The following SHISA9 variants were observed in gnomAD, a reference collection of about 807,000 sequenced individuals.
SHISA9 encodes the protein protein shisa-9.
In SHISA9, 13 loss-of-function variants were observed where a neutral mutation model predicts 38.0. The observed-to-expected ratio is 0.34, with a 90% CI of 0.22 to 0.54. SHISA9 has a LOEUF of 0.54. Ranked by LOEUF, SHISA9 falls within the 20% of genes least tolerant of loss-of-function variation. The pLI, the probability that SHISA9 is intolerant of heterozygous loss-of-function variation, is 0.91. For missense variants in SHISA9, 538 were observed against 575.8 expected (o/e 0.93, Z 0.67); for synonymous variants, 275 against 242.0 (o/e 1.14, Z -1.27).
chr16:13,383,560 T>C, the SHISA9 span, among the ~76,000 whole-genome samples: 3 of 152,174 alleles, frequency 2.0e-5, no homozygotes, highest in Non-Finnish European at 2.9e-5. Flanking sequence ...CCTTTGAATA[T>C]TGGACCTGGA....
chr16:13,483,640 C>T, the SHISA9 span, among the ~76,000 whole-genome samples: 19 of 152,090 alleles, frequency 1.2e-4, no homozygotes, highest in South Asian at 2.1e-4. Flanking sequence ...AATCCTTCCC[C>T]GGTCTTTCTG....
At chr16:12,962,853 G>C (rs892888356) in intron 2 of SHISA9, among the ~76,000 whole-genome samples, 2 of 152,170 alleles carry the variant, frequency 1.3e-5, no homozygotes, top group African/African-American at 2.4e-5. Flanking sequence ...TATCTTGTTG[G>C]GCCTGACCAG....
intron 2 of SHISA9, among the ~76,000 whole-genome samples, chr16:12,941,243 T>G (rs1455207644): frequency 1.3e-5 from 2 of 152,080 alleles, no homozygotes; most frequent in African/African-American, 2.4e-5. Flanking sequence ...CCTAGCTACC[T>G]GGGAACCTAA....
At chr16:13,043,105 A>T (rs1408672721) in intron 2 of SHISA9, among the ~76,000 whole-genome samples, 1 of 152,158 alleles carries the variant, frequency 6.6e-6, no homozygotes, top group East Asian at 1.9e-4. Context: ...CCATGCAGTC[A>T]CTCAAGGACC....
chr16:13,019,888 T>C (rs868074719), intron 2 of SHISA9, among the ~76,000 whole-genome samples: 207 of 11,508 alleles, frequency 0.018, 1 homozygote, highest in South Asian at 0.042. Context: ...CCCTCCCTTC[T>C]TTCTTTCTTT....
chr16:13,164,734 T>A (rs1160757593), intron 2 of SHISA9, among the ~76,000 whole-genome samples: 2 of 152,056 alleles, frequency 1.3e-5, no homozygotes, highest in Non-Finnish European at 2.9e-5. Context: ...TCCCTCTTAA[T>A]TTTTTAATTT....
chr16:13,346,232 G>T, the SHISA9 span, among the ~76,000 whole-genome samples: 1 of 152,114 alleles, frequency 6.6e-6, no homozygotes, highest in Non-Finnish European at 1.5e-5. Flanking sequence ...TTCTGTTTCT[G>T]AGTTATTTCA....
chr16:13,272,396 C>A, the SHISA9 span, among the ~76,000 whole-genome samples: 2 of 151,918 alleles, frequency 1.3e-5, no homozygotes, highest in South Asian at 2.1e-4. Flanking sequence ...TGTTTAAAAA[C>A]AATTTTTTTT....
At chr16:13,402,699 A>T in the SHISA9 span, among the ~76,000 whole-genome samples, 1 of 151,936 alleles carries the variant, frequency 6.6e-6, no homozygotes, top group Non-Finnish European at 1.5e-5. Context: ...TTTAGTAGAG[A>T]TGGGGTTTCA....
At chr16:13,377,814 G>A in the SHISA9 span, among the ~76,000 whole-genome samples, 2 of 152,182 alleles carry the variant, frequency 1.3e-5, no homozygotes, top group Non-Finnish European at 2.9e-5. Flanking sequence ...GATCACTTGA[G>A]GTCAGGAGTT....
At position 12,985,258 on chromosome 16, in the gene SHISA9, T is replaced by G. The variant is rs192115574; in HGVS notation, c.691+68443T>G. Among the ~76,000 whole-genome samples, 7 of 151,704 alleles carry G rather than the reference T, an allele frequency of 4.6e-5. No individual in the cohort carries two copies. The East Asian group carries it at 1.4e-3, about 29-fold the overall frequency. ...ATAAATAAGTAAATAAATAAATAAA[T>G]AAATAAATAAATAAATGGAAGAGGT... is the stretch of plus-strand genomic sequence containing the variant. On this transcript the variant is annotated intron_variant, in intron 2 of 4. Transcript: ENST00000558583.
intron 2 of SHISA9, among the ~76,000 whole-genome samples, chr16:13,073,969 G>GT (rs11315393): frequency 0.013 from 1,685 of 127,872 alleles, 29 homozygotes; most frequent in African/African-American, 0.031. Flanking sequence ...TTTTTTTTTT[G>GT]TTTTTTTTTT....
the SHISA9 span, among the ~76,000 whole-genome samples, chr16:13,297,038 G>A: frequency 1.3e-5 from 2 of 150,732 alleles, no homozygotes; most frequent in African/African-American, 4.9e-5. Flanking sequence ...GCTATCTCAT[G>A]TACCCATTCA....
intron 2 of SHISA9, among the ~76,000 whole-genome samples, chr16:13,088,646 T>C (rs1048862166): frequency 2.0e-5 from 3 of 152,226 alleles, no homozygotes; most frequent in Admixed American, 6.5e-5. Context: ...CTTGTGATTT[T>C]TGCACATTGA....
rs563541620 is a variant in SHISA9, at chr16:13,125,031, C to T, written c.692-78363C>T. Among the ~76,000 whole-genome samples, 211 of 152,112 alleles carry T rather than the reference C, an allele frequency of 1.4e-3. 2 individuals are homozygous for T. The highest frequency in any genetic ancestry group is 4.9e-3 in the African/African-American group (203 of 41,502). On this transcript the variant is annotated intron_variant, in intron 2 of 4. Coordinates refer to ENST00000558583, the MANE Select transcript of SHISA9 (RefSeq NM_001145204.3). ...ATGAAATGACTACAAAAACATGAGA[C>T]ACAATCTCCAGGACGTTGAAGTGGG... is the stretch of plus-strand genomic sequence containing the variant.
chr16:13,508,405 A>C, the SHISA9 span, among the ~76,000 whole-genome samples: 4 of 152,208 alleles, frequency 2.6e-5, no homozygotes, highest in African/African-American at 9.6e-5. Context: ...AACACTGAGT[A>C]CTTAAATCTT....
the SHISA9 span, chr16:13,562,750 C>T: frequency 6.6e-6 from 1 of 151,690 alleles, no homozygotes; most frequent in East Asian, 1.9e-4. Flanking sequence ...TGGTTGGAAA[C>T]CTGCCAGACT....
chr16:13,379,771 G>T, the SHISA9 span, among the ~76,000 whole-genome samples: 1 of 152,002 alleles, frequency 6.6e-6, no homozygotes, highest in African/African-American at 2.4e-5. Context: ...TTTCTTTTGA[G>T]GAGCCACTCC....
chr16:12,981,944 G>A (rs2072245204), intron 2 of SHISA9, among the ~76,000 whole-genome samples: 1 of 152,170 alleles, frequency 6.6e-6, no homozygotes, highest in South Asian at 2.1e-4. Flanking sequence ...CTTGATCTTG[G>A]ACTTCTAACC....
Sources: allele counts gnomAD v4.1 joint callset (sites outside exome capture counted in the v4.1 genomes callset), GRCh38; gene constraint gnomAD v4.1.1; transcripts MANE v1.5; gene names NCBI Gene and HGNC (gene_info 2026-07-23, HGNC 2026-07-21).